NCAM2: variants seen among roughly 807,000 people sequenced by gnomAD.
NCAM2 encodes the protein neural cell adhesion molecule 2.
A neutral mutation model predicts 98.1 loss-of-function variants in NCAM2; 30 were observed. That is an observed-to-expected ratio of 0.31 (90% CI 0.23 to 0.41). The LOEUF is 0.41. NCAM2 is among the 10% of genes least tolerant of loss of function. The pLI, the probability that NCAM2 is intolerant of heterozygous loss-of-function variation, is 1.00. For synonymous variants in NCAM2, 368 were observed against 342.4 expected (o/e 1.07, Z -0.83); for missense variants, 867 against 1,005.8 (o/e 0.86, Z 1.87).
At chr21:21,299,353 A>G (rs1034721847) in intron 5 of NCAM2, among the ~76,000 whole-genome samples, 12 of 150,866 alleles carry the variant, frequency 8.0e-5, no homozygotes, top group Admixed American at 6.0e-4. Flanking sequence ...AAGCATAGGT[A>G]TTCGGAGAAT....
intron 14 of NCAM2, among the ~76,000 whole-genome samples, chr21:21,474,426 A>C (rs1023018676): frequency 6.6e-6 from 1 of 152,204 alleles, no homozygotes; most frequent in South Asian, 2.1e-4. Context: ...TTCACCTTAA[A>C]TGTCTAATTT....
intron 1 of NCAM2, among the ~76,000 whole-genome samples, chr21:21,075,761 A>T (rs1468522947): frequency 6.6e-6 from 1 of 152,214 alleles, no homozygotes; most frequent in Non-Finnish European, 1.5e-5. Flanking sequence ...CGAAATAAAC[A>T]TATAGTTTTT....
chr21:21,194,469 A>C (rs537510696), intron 1 of NCAM2, among the ~76,000 whole-genome samples: 1 of 152,252 alleles, frequency 6.6e-6, no homozygotes, highest in African/African-American at 2.4e-5. Context: ...AAATGGACAC[A>C]AAATTTAACT....
intron 4 of NCAM2, among the ~76,000 whole-genome samples, chr21:21,291,519 A>G (rs1346347362): frequency 6.6e-6 from 1 of 151,912 alleles, no homozygotes; most frequent in Non-Finnish European, 1.5e-5. Flanking sequence ...TTGAAATAAA[A>G]TAACAAAATC....
chr21:21,173,431 C>A (rs1462542733), intron 1 of NCAM2, among the ~76,000 whole-genome samples: 2 of 152,034 alleles, frequency 1.3e-5, no homozygotes, highest in Non-Finnish European at 2.9e-5. Context: ...AGCAATGAAC[C>A]TTGTATTTAG....
At chr21:21,035,648 G>T (rs1472595946) in intron 1 of NCAM2, among the ~76,000 whole-genome samples, 1 of 152,030 alleles carries the variant, frequency 6.6e-6, no homozygotes, top group African/African-American at 2.4e-5. Flanking sequence ...TGAATTTCTT[G>T]AAATTCTTAC....
intron 1 of NCAM2, among the ~76,000 whole-genome samples, chr21:21,058,885 A>G (rs557194613): frequency 5.9e-5 from 9 of 152,046 alleles, no homozygotes; most frequent in Non-Finnish European, 1.0e-4. Flanking sequence ...GTGAATTTCT[A>G]TTAGACTGTT....
chr21:21,157,371 G>A (rs1053880961), intron 1 of NCAM2, among the ~76,000 whole-genome samples: 2 of 151,926 alleles, frequency 1.3e-5, no homozygotes, highest in African/African-American at 4.8e-5. Context: ...AACTATATTT[G>A]GCACATGATA....
intron 1 of NCAM2, among the ~76,000 whole-genome samples, chr21:21,092,457 A>G (rs1209907603): frequency 6.6e-6 from 1 of 151,982 alleles, no homozygotes; most frequent in Non-Finnish European, 1.5e-5. Flanking sequence ...TATTAATTTT[A>G]TCTGTCAGTT....
intron 1 of NCAM2, among the ~76,000 whole-genome samples, chr21:21,168,121 C>T (rs2068010658): frequency 6.6e-6 from 1 of 152,052 alleles, no homozygotes; most frequent in African/African-American, 2.4e-5. Flanking sequence ...CCGAGTGGGA[C>T]TTACTCCGGG....
chr21:21,047,226 T>G (rs2065022158), intron 1 of NCAM2, among the ~76,000 whole-genome samples: 1 of 152,214 alleles, frequency 6.6e-6, no homozygotes, highest in African/African-American at 2.4e-5. Context: ...CTTGTAAGTG[T>G]TCAATGATTT....
chr21:21,277,987 A>G (rs751647682), intron 1 of NCAM2, among the ~76,000 whole-genome samples: 14 of 152,142 alleles, frequency 9.2e-5, no homozygotes, highest in Non-Finnish European at 1.2e-4. Context: ...TTAGAGGAAT[A>G]TGTTTGGTTT....
At chr21:21,300,915 T>A (rs538541248) in intron 5 of NCAM2, among the ~76,000 whole-genome samples, 1 of 152,186 alleles carries the variant, frequency 6.6e-6, no homozygotes, top group Non-Finnish European at 1.5e-5. Flanking sequence ...AAGTTTGTCA[T>A]GTACAATAAT....
chr21:21,155,986 G>A (rs1394618108), intron 1 of NCAM2, among the ~76,000 whole-genome samples: 2 of 151,934 alleles, frequency 1.3e-5, no homozygotes, highest in African/African-American at 4.8e-5. Flanking sequence ...TTTCATCTAT[G>A]TGGAAGGTTC....
intron 1 of NCAM2, among the ~76,000 whole-genome samples, chr21:21,183,514 G>A (rs2068544569): frequency 6.6e-6 from 1 of 152,096 alleles, no homozygotes; most frequent in Non-Finnish European, 1.5e-5. Context: ...AAGGACATGA[G>A]GAAATGGTAA....
chr21:21,416,089 G>A (rs1253467021), intron 10 of NCAM2, among the ~76,000 whole-genome samples: 6 of 152,092 alleles, frequency 3.9e-5, no homozygotes, highest in African/African-American at 1.4e-4. Context: ...TTTAGCTTTT[G>A]ATTTAATATG....
At position 21,539,801 on chromosome 21, in the gene NCAM2, G is replaced by C. The variant is rs1990157999; in HGVS notation, c.*1844G>C. On this transcript the variant is annotated 3_prime_UTR_variant, in exon 18 of 18. Transcript: ENST00000400546. ...AGTGTCTAAACAAACAAAGCAGTTA[G>C]GTCATTTTAACTGACTTGATTATCC... The C allele has an allele frequency of 6.6e-6, 1 of 152,082 alleles. No homozygotes were observed. Among genetic ancestry groups the C allele is most frequent in the Non-Finnish European group, 1.5e-5 (1 of 68,004 alleles). The allele number at this position is 152,082 out of a possible 1,614,324, so 9.4% of individuals were successfully genotyped here.
chr21:21,205,642 T>A (rs181896833), intron 1 of NCAM2, among the ~76,000 whole-genome samples: 1 of 152,296 alleles, frequency 6.6e-6, no homozygotes, highest in Admixed American at 6.5e-5. Context: ...TAATTTTTTT[T>A]AAGGAAAAAC....
At chr21:21,201,012 A>G (rs1238834762) in intron 1 of NCAM2, among the ~76,000 whole-genome samples, 1 of 152,086 alleles carries the variant, frequency 6.6e-6, no homozygotes, top group Admixed American at 6.6e-5. Flanking sequence ...TTTAATATAT[A>G]TTTTCACTTT....
Sources: gnomAD v4.1 joint callset for allele counts (sites outside exome capture counted in the v4.1 genomes callset) on GRCh38, gnomAD v4.1.1 for gene constraint, MANE v1.5 for transcripts, NCBI Gene and HGNC (gene_info 2026-07-23, HGNC 2026-07-21) for gene names.